STARD13: variants seen among roughly 807,000 people sequenced by gnomAD.
The protein encoded by STARD13 is StAR related lipid transfer domain containing 13.
A neutral mutation model predicts 106.4 loss-of-function variants in STARD13; 62 were observed. The observed-to-expected ratio is 0.58, with a 90% CI of 0.48 to 0.72. The LOEUF (loss-of-function observed/expected upper bound fraction) is 0.72, where lower values mean the gene tolerates loss of function less well. Ranked by LOEUF, STARD13 falls within the 30% of genes least tolerant of loss-of-function variation. The probability of loss-of-function intolerance (pLI) is 0.00; values close to 1 mark genes in which losing one functional copy is unlikely to be tolerated. For missense variants in STARD13, 1,387 were observed against 1,424.0 expected, an observed-to-expected ratio of 0.97 and a Z score of 0.42; for synonymous variants, 565 against 553.0, an observed-to-expected ratio of 1.02 and a Z score of -0.31.
At chr13:33,268,327 C>T (rs1229172840) in intron 1 of STARD13, among the ~76,000 whole-genome samples, 3 of 152,232 alleles carry the variant, frequency 2.0e-5, no homozygotes, top group African/African-American at 4.8e-5. Flanking sequence ...TCTTTAGCTT[C>T]TACTTTATGT....
chr13:33,551,615 T>TTTTTTTTTTTTTTTTTTTTTTTTTG, the STARD13 span, among the ~76,000 whole-genome samples: 1 of 115,926 alleles, frequency 8.6e-6, no homozygotes, highest in Non-Finnish European at 1.7e-5. Flanking sequence ...TTTTTTTTTT[T>TTTTTTTTTTTTTTTTTTTTTTTTTG]TGAGTTGGAG....
At chr13:33,174,959 T>C (rs527772061) in intron 1 of STARD13, among the ~76,000 whole-genome samples, 1 of 152,278 alleles carries the variant, frequency 6.6e-6, no homozygotes, top group Non-Finnish European at 1.5e-5. Context: ...ATATACACAT[T>C]TGCACCACAG....
At chr13:33,640,401 T>C in the STARD13 span, among the ~76,000 whole-genome samples, 7 of 152,206 alleles carry the variant, frequency 4.6e-5, no homozygotes, top group African/African-American at 1.2e-4. Flanking sequence ...AGGGTGTTAA[T>C]GTATTATGAA....
chr13:33,513,406 G>C, the STARD13 span, among the ~76,000 whole-genome samples: 7 of 152,116 alleles, frequency 4.6e-5, no homozygotes, highest in Non-Finnish European at 4.4e-5. Context: ...CTCTCTTCCT[G>C]ATAGCTATAC....
the STARD13 span, among the ~76,000 whole-genome samples, chr13:33,640,244 G>A: frequency 6.6e-6 from 1 of 152,166 alleles, no homozygotes; most frequent in Admixed American, 6.5e-5. Flanking sequence ...GCCCGTATCT[G>A]CAAGCTGCCC....
chr13:33,403,615 C>G, the STARD13 span, among the ~76,000 whole-genome samples: 2 of 152,128 alleles, frequency 1.3e-5, no homozygotes, highest in Non-Finnish European at 2.9e-5. Context: ...TAAATTTTGT[C>G]ATTAATAAGA....
intron 1 of STARD13, among the ~76,000 whole-genome samples, chr13:33,258,730 A>G (rs7328838): frequency 0.25 from 38,082 of 152,112 alleles, 5,387 homozygotes; most frequent in African/African-American, 0.36. Context: ...GGATCAGTGC[A>G]ATGGAATTCT....
the STARD13 span, among the ~76,000 whole-genome samples, chr13:33,397,132 A>G: frequency 6.6e-6 from 1 of 152,234 alleles, no homozygotes; most frequent in East Asian, 1.9e-4. Flanking sequence ...AGGAAAGAAC[A>G]ATATGGGGAG....
chr13:33,583,580 C>A, the STARD13 span, among the ~76,000 whole-genome samples: 1 of 152,144 alleles, frequency 6.6e-6, no homozygotes, highest in Non-Finnish European at 1.5e-5. Context: ...CAGCTGCTGG[C>A]AGTCTTAAGT....
chr13:33,349,555 CT>C (rs1305716175), intron 1 of STARD13, among the ~76,000 whole-genome samples: 1 of 152,184 alleles, frequency 6.6e-6, no homozygotes, highest in African/African-American at 2.4e-5. Flanking sequence ...GGGAGAGGTA[CT>C]AAGGAGGGGG....
the STARD13 span, among the ~76,000 whole-genome samples, chr13:33,658,560 T>C: frequency 6.6e-6 from 1 of 152,244 alleles, no homozygotes; most frequent in African/African-American, 2.4e-5. Context: ...ACTCTTAGTC[T>C]GGAGTATCTT....
intron 1 of STARD13, among the ~76,000 whole-genome samples, chr13:33,207,600 C>T (rs1887491341): frequency 6.6e-6 from 1 of 152,134 alleles, no homozygotes; most frequent in Admixed American, 6.5e-5. Context: ...GTTCAGGGTC[C>T]CCTGATTTCG....
the STARD13 span, among the ~76,000 whole-genome samples, chr13:33,489,636 G>A: frequency 6.6e-6 from 1 of 152,186 alleles, no homozygotes; most frequent in Admixed American, 6.5e-5. Flanking sequence ...TTAAATTAGA[G>A]TTTAATGGAA....
chr13:33,499,743 CTCTTCT>C, the STARD13 span, among the ~76,000 whole-genome samples: 1 of 139,446 alleles, frequency 7.2e-6, no homozygotes, highest in Admixed American at 7.5e-5. Flanking sequence ...CTCCCTCTCC[CTCTTCT>C]TCTTCTTCTT....
At chr13:33,138,897 G>A (rs770259763) in intron 4 of STARD13, 14 of 469,636 alleles carry the variant, frequency 3.0e-5, no homozygotes, top group Admixed American at 2.9e-4. Flanking sequence ...TTGTGGGAGG[G>A]TAGCGGTGTT....
At chr13:33,499,556 T>C in the STARD13 span, among the ~76,000 whole-genome samples, 1 of 59,554 alleles carries the variant, frequency 1.7e-5, no homozygotes, top group East Asian at 4.4e-4. Context: ...CTTCTTCTTC[T>C]TCTTCTTCTT....
chr13:33,141,249 G>A (rs143307797), intron 4 of STARD13, among the ~76,000 whole-genome samples: 62 of 152,296 alleles, frequency 4.1e-4, no homozygotes, highest in African/African-American at 1.5e-3. Context: ...CTTGGTTTTG[G>A]AATCAGACAC....
At chr13:33,274,674 G>A (rs1055150253) in intron 1 of STARD13, among the ~76,000 whole-genome samples, 8 of 152,246 alleles carry the variant, frequency 5.3e-5, no homozygotes, top group African/African-American at 9.6e-5. Flanking sequence ...ATGTAGAACC[G>A]GAAGACTTAG....
the STARD13 span, among the ~76,000 whole-genome samples, chr13:33,659,382 A>T: frequency 1.1e-4 from 16 of 151,798 alleles, no homozygotes; most frequent in Non-Finnish European, 1.6e-4. Context: ...CACTCAGCTA[A>T]TTTTTGTGTT....
Sources: allele counts gnomAD v4.1 joint callset (sites outside exome capture counted in the v4.1 genomes callset), GRCh38; gene constraint gnomAD v4.1.1; transcripts MANE v1.5; gene names NCBI Gene and HGNC (gene_info 2026-07-23, HGNC 2026-07-21).